Variants in YWHAE observed in about 807,000 individuals in gnomAD.
The protein encoded by YWHAE is 14-3-3 protein epsilon.
Under a neutral mutation model 30.1 loss-of-function variants are expected in YWHAE, and 4 were observed. The ratio of observed to expected loss-of-function variants is 0.13; its 90% CI spans 0.07 to 0.30. The LOEUF (loss-of-function observed/expected upper bound fraction) is 0.30. Ranked by LOEUF, YWHAE falls within the 10% of genes least tolerant of loss-of-function variation. The pLI, the probability that YWHAE is intolerant of heterozygous loss-of-function variation, is 1.00. For missense variants in YWHAE, 121 were observed against 315.9 expected (o/e 0.38, Z 4.68); for synonymous variants, 118 against 111.8 (o/e 1.06, Z -0.35).
At chr17:1,374,723 A>G (rs1316765406) in intron 1 of YWHAE, among the ~76,000 whole-genome samples, 3 of 152,180 alleles carry the variant, frequency 2.0e-5, no homozygotes, top group Non-Finnish European at 4.4e-5. Flanking sequence ...CCTTTTGCGT[A>G]TGTTCTCTGG....
At position 1,381,008 on chromosome 17, in the gene YWHAE, T is replaced by C. The variant is rs556659635; in HGVS notation, c.65-15950A>G. On this transcript the variant is annotated intron_variant, in intron 1 of 5. Transcript: ENST00000264335. ...GCCTGATTAGACTGTAACTCTTCCA[T>C]AGTAGGTATTATAAGTAACGATTTT... Among the ~76,000 whole-genome samples the C allele has an allele frequency of 6.6e-4, 101 of 152,298 alleles. 3 individuals carry two copies. The South Asian group carries it at 0.019, about 29-fold the overall frequency.
intron 4 of YWHAE, 120 bp from the exon 5 acceptor site, chr17:1,354,467 G>A (rs1217551778): frequency 1.8e-5 from 19 of 1,029,170 alleles, no homozygotes; most frequent in Non-Finnish European, 2.6e-5. Flanking sequence ...CAATGATAAT[G>A]CAAAGAAAAA....
Position 1,361,882 on chromosome 17 carries a change from C to A in YWHAE, c.371+20G>T. On this transcript the variant is annotated intron_variant, in intron 3 of 5. Transcript: ENST00000264335. ...GACCAACTTTCAATCTTACATTTTC[C>A]CTTCTAGTATAGAACCTACATTTTA... The A allele has an allele frequency of 6.6e-7, 1 of 1,513,108 alleles. No individual in the cohort carries two copies. The highest frequency in any genetic ancestry group is 8.9e-7 in the Non-Finnish European group (1 of 1,118,802). The allele number at this position is 1,513,108 out of a possible 1,614,324, so 93.7% of individuals were successfully genotyped here.
At chr17:1,388,139 T>TTTTTC in intron 1 of YWHAE, among the ~76,000 whole-genome samples, 1 of 117,506 alleles carries the variant, frequency 8.5e-6, no homozygotes, top group Non-Finnish European at 1.7e-5. Flanking sequence ...TTTTTTTTTT[T>TTTTTC]TTTAGTAGAG....
chr17:1,392,712 T>G (rs574840757), intron 1 of YWHAE, among the ~76,000 whole-genome samples: 4 of 151,772 alleles, frequency 2.6e-5, no homozygotes, highest in Non-Finnish European at 4.4e-5. Flanking sequence ...TAGCCAAGCA[T>G]GATGGCCCAA....
chr17:1,346,167 A>T (rs569942087), intron 5 of YWHAE, among the ~76,000 whole-genome samples: 1 of 152,322 alleles, frequency 6.6e-6, no homozygotes, highest in South Asian at 2.1e-4. Context: ...GCCTTTAAAG[A>T]GGGTGATTAC....
intron 1 of YWHAE, among the ~76,000 whole-genome samples, chr17:1,397,592 A>G (rs1209090958): frequency 6.6e-6 from 1 of 152,206 alleles, no homozygotes; most frequent in Non-Finnish European, 1.5e-5. Context: ...CTGGAAACCC[A>G]GCATTTGGGT....
intron 4 of YWHAE, among the ~76,000 whole-genome samples, chr17:1,360,292 G>A (rs1014655847): frequency 6.6e-6 from 1 of 152,078 alleles, no homozygotes; most frequent in Non-Finnish European, 1.5e-5. Context: ...AAAAAGTTAT[G>A]TACGTATAAA....
At chr17:1,378,290 C>T (rs2073153445) in intron 1 of YWHAE, among the ~76,000 whole-genome samples, 1 of 152,192 alleles carries the variant, frequency 6.6e-6, no homozygotes, top group Non-Finnish European at 1.5e-5. Flanking sequence ...TGAGAATGCT[C>T]AGGAATTGTG....
intron 1 of YWHAE, chr17:1,398,984 AT>A: frequency 6.6e-6 from 1 of 151,860 alleles, no homozygotes; most frequent in African/African-American, 2.4e-5. Context: ...ATAGGTTAAG[AT>A]CCCCCACGAA....
chr17:1,399,748 TCCCCCG>T, intron 1 of YWHAE: 1 of 68,660 alleles, frequency 1.5e-5, no homozygotes, highest in Non-Finnish European at 2.9e-5. Flanking sequence ...CTCCTCCCCC[TCCCCCG>T]CCCCGGGACT....
intron 5 of YWHAE, among the ~76,000 whole-genome samples, chr17:1,352,755 G>C (rs1045072620): frequency 3.3e-5 from 5 of 152,118 alleles, no homozygotes; most frequent in Non-Finnish European, 5.9e-5. Context: ...TCGATCTCCT[G>C]ACCGCGTGAT....
chr17:1,366,700 T>TG (rs1199778180), intron 1 of YWHAE, among the ~76,000 whole-genome samples: 3 of 152,106 alleles, frequency 2.0e-5, no homozygotes, highest in African/African-American at 7.2e-5. Context: ...CTCAGCACTT[T>TG]GGGAGGCCAA....
chr17:1,399,550 G>A lies in YWHAE; in HGVS notation c.64+497C>T, dbSNP rs116439424. 1,136 of 180,312 alleles carry A rather than the reference G, an allele frequency of 6.3e-3. 15 individuals carry two copies. Among genetic ancestry groups the A allele is most frequent in the African/African-American group, 0.018 (733 of 41,604 alleles). 11.2% of individuals were successfully genotyped at this position (180,312 alleles called of 1,614,324 possible). On this transcript the variant is annotated intron_variant, in intron 1 of 5. Transcript: ENST00000264335. ...GGCCGCCGCCCCACACGGGGCCTCCGGGGAAAAGCCACCGCCCCCACCCGC... is the reference window on the plus strand; with the variant it reads ...GGCCGCCGCCCCACACGGGGCCTCCAGGGAAAAGCCACCGCCCCCACCCGC...
chr17:1,355,116 TAAA>T (rs869230957), intron 4 of YWHAE, among the ~76,000 whole-genome samples: 46 of 17,166 alleles, frequency 2.7e-3, no homozygotes, highest in South Asian at 0.016. Flanking sequence ...CAAGATTTTT[TAAA>T]AAAAAAAAAA....
At chr17:1,355,785 C>T (rs562573457) in intron 4 of YWHAE, among the ~76,000 whole-genome samples, 9 of 152,198 alleles carry the variant, frequency 5.9e-5, no homozygotes, top group African/African-American at 1.7e-4. Flanking sequence ...CTGTAATCAG[C>T]ACACTTTGGG....
At chr17:1,390,147 A>G (rs1241251310) in intron 1 of YWHAE, among the ~76,000 whole-genome samples, 1 of 152,122 alleles carries the variant, frequency 6.6e-6, no homozygotes, top group Non-Finnish European at 1.5e-5. Context: ...CCCAGCCTAC[A>G]TTTTCATATT....
At chr17:1,382,176 G>GT (rs2073222430) in intron 1 of YWHAE, among the ~76,000 whole-genome samples, 1 of 151,594 alleles carries the variant, frequency 6.6e-6, no homozygotes, top group African/African-American at 2.4e-5. Context: ...AGCCTCCCAT[G>GT]TAACTGGGAC....
chr17:1,392,276 G>A (rs1173286742), intron 1 of YWHAE, among the ~76,000 whole-genome samples: 1 of 152,224 alleles, frequency 6.6e-6, no homozygotes, highest in Admixed American at 6.5e-5. Context: ...GTGGGAGGCT[G>A]AGATGGGATG....
Sources: allele counts gnomAD v4.1 joint callset (sites outside exome capture counted in the v4.1 genomes callset), GRCh38; gene constraint gnomAD v4.1.1; transcripts MANE v1.5; gene names NCBI Gene and HGNC (gene_info 2026-07-23, HGNC 2026-07-21).